Variants in PPFIBP2 observed in about 807,000 individuals in gnomAD.
PPFIBP2 encodes the protein liprin-beta-2.
PPFIBP2 carries 118 observed loss-of-function variants against 118.3 expected under a neutral mutation model. The ratio of observed to expected loss-of-function variants is 1.00; its 90% CI spans 0.86 to 1.16. The LOEUF is 1.16. PPFIBP2 is among the 50% of genes most tolerant of loss of function. The pLI is 0.00. For synonymous variants in PPFIBP2, 414 were observed against 397.4 expected (o/e 1.04, Z -0.50); for missense variants, 1,195 against 1,073.1 (o/e 1.11, Z -1.59).
intron 2 of PPFIBP2, among the ~76,000 whole-genome samples, chr11:7,557,085 CTTT>C (rs1297109928): frequency 1.3e-5 from 2 of 152,146 alleles, no homozygotes; most frequent in African/African-American, 4.8e-5. Context: ...CCTTGTCCTC[CTTT>C]TTTAATTCCA....
At chr11:7,651,973 G>A in intron 23 of PPFIBP2, 129 bp downstream of exon 23, 1 of 920,726 alleles carries the variant, frequency 1.1e-6, no homozygotes, top group Non-Finnish European at 1.6e-6. Context: ...TTCAGCTTCT[G>A]CTGTGGGCTT....
intron 14 of PPFIBP2, among the ~76,000 whole-genome samples, chr11:7,639,449 C>T (rs1243143411): frequency 3.3e-5 from 5 of 152,222 alleles, no homozygotes; most frequent in African/African-American, 1.2e-4. Flanking sequence ...GCAAAGGCCG[C>T]TTTGCAAGAC....
rs371928371 is a variant in PPFIBP2 at position 7,609,520 on chromosome 11, TATC to T, written c.487-767_487-765del. Among the ~76,000 whole-genome samples the T allele has an allele frequency of 9.2e-5, 14 of 152,358 alleles. No homozygotes were observed. In the East Asian group the frequency reaches 2.7e-3, roughly 29 times the overall value. ...ATTACTTCTAAGTGGGTGTCTTGCC[TATC>T]ATCTTTATTTTTTACCTTGTTTATG... On this transcript the variant is annotated intron_variant, in intron 5 of 23. Transcript: ENST00000299492.
At chr11:7,651,428 C>T (rs1853987728) in intron 22 of PPFIBP2, 2 of 476,404 alleles carry the variant, frequency 4.2e-6, no homozygotes, top group South Asian at 4.5e-5. Flanking sequence ...GGTCCCAGTT[C>T]TCTGCTGGTC....
chr11:7,628,954 T>G (rs972358950), intron 9 of PPFIBP2, among the ~76,000 whole-genome samples: 4 of 152,176 alleles, frequency 2.6e-5, no homozygotes, highest in Non-Finnish European at 5.9e-5. Context: ...CACACCCAAG[T>G]TTGTCTATGA....
Position 7,650,862 on chromosome 11 carries a change from T to C in PPFIBP2, c.2144T>C (p.Val715Ala), listed in dbSNP as rs200482477. The C allele has an allele frequency of 1.9e-6, 3 of 1,614,034 alleles. No homozygotes were observed. The East Asian group carries it at 6.7e-5, about 36-fold the overall frequency. ...ADESNLSPSEVVQWSNHRVME... is the reference protein window; with the variant it reads ...ADESNLSPSEAVQWSNHRVME... The stretch of plus-strand genomic sequence containing the variant: ...CAGAGTAACCTTTCTCCTTCAGAAG[T>C]TGTACAGTGGTCCAACCACAGGGTG... The change falls in exon 22 of 24, where the codon GTT (valine) becomes GCT (alanine). Residue 715 changes from valine to alanine, a missense_variant. By Grantham distance (64) the Val-to-Ala change is moderately conservative. Coordinates refer to ENST00000299492, the MANE Select transcript of PPFIBP2 (RefSeq NM_003621.5).
At chr11:7,518,203 C>T (rs1037774233) in intron 1 of PPFIBP2, among the ~76,000 whole-genome samples, 1 of 152,130 alleles carries the variant, frequency 6.6e-6, no homozygotes, top group African/African-American at 2.4e-5. Context: ...GTTTGAGGGC[C>T]GTCGTCAAGC....
chr11:7,518,077 C>G (rs1298240275), intron 1 of PPFIBP2, among the ~76,000 whole-genome samples: 2 of 152,242 alleles, frequency 1.3e-5, no homozygotes, highest in African/African-American at 4.8e-5. Flanking sequence ...CGTGGGCCTG[C>G]AGGGCCCCTG....
chr11:7,543,503 C>G (rs116667506), intron 1 of PPFIBP2, among the ~76,000 whole-genome samples: 1 of 152,218 alleles, frequency 6.6e-6, no homozygotes, highest in Non-Finnish European at 1.5e-5. Context: ...CAGGTCTTGG[C>G]TCTGGCTCAA....
chr11:7,642,804 T>C (rs1181668261), intron 17 of PPFIBP2, among the ~76,000 whole-genome samples: 2 of 152,226 alleles, frequency 1.3e-5, no homozygotes, highest in East Asian at 3.8e-4. Context: ...AGAAATAATA[T>C]AGTCTAGATT....
At chr11:7,607,003 C>A (rs1490694497) in intron 5 of PPFIBP2, among the ~76,000 whole-genome samples, 3 of 144,158 alleles carry the variant, frequency 2.1e-5, no homozygotes, top group Non-Finnish European at 4.5e-5. Context: ...CTCTGCCTCC[C>A]AGGTTCACGC....
intron 6 of PPFIBP2, among the ~76,000 whole-genome samples, chr11:7,620,390 A>G (rs1329244650): frequency 6.6e-6 from 1 of 151,926 alleles, no homozygotes; most frequent in African/African-American, 2.4e-5. Flanking sequence ...TCTTCAAATC[A>G]ATCTCTTCCT....
At chr11:7,652,883 G>C (rs1854253679) in intron 23 of PPFIBP2, 141 bp from the exon 24 acceptor site, 1 of 1,017,864 alleles carries the variant, frequency 9.8e-7, no homozygotes, top group South Asian at 1.6e-5. Context: ...CAAGAGCTCT[G>C]TTTTGTTCAG....
chr11:7,588,112 T>C (rs914451150), intron 3 of PPFIBP2, among the ~76,000 whole-genome samples: 1 of 152,206 alleles, frequency 6.6e-6, no homozygotes, highest in Admixed American at 6.5e-5. Flanking sequence ...TTGATTTCTT[T>C]GAGTATGCCA....
At chr11:7,657,644 C>T (rs114562364), downstream of PPFIBP2, among the ~76,000 whole-genome samples, 883 of 152,300 alleles carry the variant, frequency 5.8e-3, 6 homozygotes, top group African/African-American at 0.02. Context: ...GTCCTTCCTC[C>T]CTCCAGGCGT....
intron 3 of PPFIBP2, among the ~76,000 whole-genome samples, chr11:7,574,524 T>A (rs1202367725): frequency 2.0e-5 from 3 of 152,238 alleles, no homozygotes; most frequent in Non-Finnish European, 4.4e-5. Context: ...TAAAGATTTA[T>A]GAATACAAAT....
chr11:7,642,012 C>A, intron 16 of PPFIBP2: 1 of 419,438 alleles, frequency 2.4e-6, no homozygotes, highest in South Asian at 4.0e-5. Flanking sequence ...CCCAACTGAT[C>A]CACTTTGTGA....
At chr11:7,630,098 C>T (rs962488675) in intron 10 of PPFIBP2, among the ~76,000 whole-genome samples, 1 of 152,196 alleles carries the variant, frequency 6.6e-6, no homozygotes. Flanking sequence ...GTGCATGTGC[C>T]GGGCTGCCTT....
chr11:7,562,632 G>A (rs1336953869), intron 2 of PPFIBP2, among the ~76,000 whole-genome samples: 1 of 152,006 alleles, frequency 6.6e-6, no homozygotes, highest in South Asian at 2.1e-4. Context: ...ATTTAGAATT[G>A]TATCTCCCTT....
Sources: gnomAD v4.1 joint callset for allele counts (sites outside exome capture counted in the v4.1 genomes callset) on GRCh38, gnomAD v4.1.1 for gene constraint, MANE v1.5 for transcripts, NCBI Gene and HGNC (gene_info 2026-07-23, HGNC 2026-07-21) for gene names.